Variants in CALD1 observed in about 807,000 individuals in gnomAD.
CALD1 encodes the protein caldesmon.
In CALD1, 33 loss-of-function variants were observed where a neutral mutation model predicts 99.9. The observed-to-expected ratio is 0.33, with a 90% CI of 0.25 to 0.44. The LOEUF (loss-of-function observed/expected upper bound fraction) is 0.44. CALD1 is among the 20% of genes least tolerant of loss of function. The pLI is 1.00. For missense variants in CALD1, 861 were observed against 962.1 expected, an observed-to-expected ratio of 0.89 and a Z score of 1.39; for synonymous variants, 310 against 325.0, an observed-to-expected ratio of 0.95 and a Z score of 0.50.
chr7:134,941,931 G>C (rs1048958597), intron 7 of CALD1, among the ~76,000 whole-genome samples: 1 of 152,064 alleles, frequency 6.6e-6, no homozygotes, highest in Non-Finnish European at 1.5e-5. Flanking sequence ...TCAGACAGAC[G>C]AGACCAGTAT....
Position 134,958,271 on chromosome 7 carries a change from A to G in CALD1, c.2042A>G (p.Gln681Arg). 6.2e-7 allele frequency: 1 copy of G among 1,613,930 alleles called. No individual in the cohort carries two copies. Among genetic ancestry groups the G allele is most frequent in the East Asian group, 2.2e-5 (1 of 44,872 alleles). Residue 681 changes from glutamine (Q) to arginine (R), a missense_variant, in exon 11 of 15, where the codon CAG becomes CGG. Gln to Arg is a conservative substitution (Grantham distance 43). This residue lies in a region of CALD1 where 190 missense variants were observed against 249.0 expected (regional missense o/e 0.76). Coordinates refer to ENST00000361675, the MANE Select transcript of CALD1 (RefSeq NM_033138.4). Reference protein sequence around the residue: ...IVSKIDSRLEQYTSAIEGTKS... With the variant: ...IVSKIDSRLERYTSAIEGTKS... ...TCCAAGATTGACAGCAGACTGGAGC[A>G]GTATACCAGTGCAATTGAGGTGAGA...
At chr7:134,897,268 C>A (rs1385302167) in intron 3 of CALD1, among the ~76,000 whole-genome samples, 1 of 151,852 alleles carries the variant, frequency 6.6e-6, no homozygotes, top group Non-Finnish European at 1.5e-5. Flanking sequence ...TCTGACCTCC[C>A]ACCCAGCTTA....
chr7:134,854,988 C>G (rs1800237978), intron 2 of CALD1, among the ~76,000 whole-genome samples: 1 of 152,224 alleles, frequency 6.6e-6, no homozygotes, highest in Non-Finnish European at 1.5e-5. Flanking sequence ...CTCCCCCACT[C>G]TTTCTTCCTC....
chr7:134,851,094 G>A (rs796276943), intron 2 of CALD1, among the ~76,000 whole-genome samples: 3 of 152,288 alleles, frequency 2.0e-5, no homozygotes, highest in African/African-American at 4.8e-5. Context: ...CTAGCAGTGT[G>A]AGAATAGACT....
intron 1 of CALD1, among the ~76,000 whole-genome samples, chr7:134,769,265 G>A (rs532204536): frequency 1.6e-4 from 25 of 152,094 alleles, no homozygotes; most frequent in African/African-American, 6.0e-4. Context: ...CGTCCCAAGA[G>A]GATATACCTA....
intron 7 of CALD1, among the ~76,000 whole-genome samples, chr7:134,943,922 G>T (rs1379957958): frequency 1.3e-5 from 2 of 152,216 alleles, no homozygotes; most frequent in African/African-American, 2.4e-5. Context: ...CTGGATGGAT[G>T]TATTAGGACT....
chr7:134,957,296 A>G (rs1350940645), intron 9 of CALD1, among the ~76,000 whole-genome samples: 3 of 152,224 alleles, frequency 2.0e-5, no homozygotes, highest in African/African-American at 7.2e-5. Flanking sequence ...TTACATACCA[A>G]ATACATAGTT....
chr7:134,730,858 A>G, the CALD1 span, among the ~76,000 whole-genome samples: 1 of 152,040 alleles, frequency 6.6e-6, no homozygotes, highest in Non-Finnish European at 1.5e-5. Context: ...GCTTTAGATT[A>G]TGTGGGCCCA....
chr7:134,794,807 T>C (rs981240478), intron 1 of CALD1, among the ~76,000 whole-genome samples: 4 of 152,206 alleles, frequency 2.6e-5, no homozygotes, highest in African/African-American at 9.6e-5. Context: ...AACAATAAAC[T>C]TTTAGGCAAC....
chr7:134,799,733 G>GA (rs1434777445), intron 1 of CALD1, among the ~76,000 whole-genome samples: 1 of 152,122 alleles, frequency 6.6e-6, no homozygotes, highest in Non-Finnish European at 1.5e-5. Flanking sequence ...TTCACAACGT[G>GA]AAAAAATGTA....
chr7:134,946,008 TTC>T (rs1298780462), intron 7 of CALD1, among the ~76,000 whole-genome samples: 1 of 152,168 alleles, frequency 6.6e-6, no homozygotes, highest in Non-Finnish European at 1.5e-5. Context: ...GCCTGAACCT[TTC>T]TGTCTTCCCT....
chr7:134,930,387 G>A (rs995224664), intron 4 of CALD1, among the ~76,000 whole-genome samples: 1 of 152,140 alleles, frequency 6.6e-6, no homozygotes, highest in African/African-American at 2.4e-5. Context: ...TTAAAACCAT[G>A]GACTGATTAT....
At chr7:134,921,061 C>A (rs749629077) in intron 3 of CALD1, among the ~76,000 whole-genome samples, 12 of 152,230 alleles carry the variant, frequency 7.9e-5, no homozygotes, top group Non-Finnish European at 1.5e-4. Flanking sequence ...GGTGACAATT[C>A]AAAGTCTATC....
the CALD1 span, among the ~76,000 whole-genome samples, chr7:134,714,919 C>A: frequency 1.3e-5 from 2 of 152,106 alleles, no homozygotes; most frequent in Admixed American, 6.5e-5. Flanking sequence ...TGGTTCTGGG[C>A]AGTTTCCTAT....
the CALD1 span, among the ~76,000 whole-genome samples, chr7:134,732,411 G>C: frequency 3.7e-4 from 57 of 152,250 alleles, no homozygotes; most frequent in African/African-American, 1.3e-3. Flanking sequence ...GGCTTTTGGG[G>C]GCGATTAAGC....
chr7:134,916,642 A>T (rs777806767), intron 3 of CALD1, among the ~76,000 whole-genome samples: 2 of 152,232 alleles, frequency 1.3e-5, no homozygotes, highest in African/African-American at 4.8e-5. Flanking sequence ...GCATGTCTGC[A>T]ATACCACTTT....
At chr7:134,925,125 T>A (rs1173712729) in intron 3 of CALD1, among the ~76,000 whole-genome samples, 2 of 152,092 alleles carry the variant, frequency 1.3e-5, no homozygotes, top group African/African-American at 4.8e-5. Context: ...GAAAATGGGC[T>A]CCCAATGGAG....
intron 2 of CALD1, among the ~76,000 whole-genome samples, chr7:134,853,323 G>A (rs1800157175): frequency 6.6e-6 from 1 of 152,152 alleles, no homozygotes; most frequent in Admixed American, 6.5e-5. Flanking sequence ...GGGAGCAAAT[G>A]TCTGGCATGT....
chr7:134,774,731 G>A (rs113968304), upstream of CALD1, among the ~76,000 whole-genome samples: 5 of 152,134 alleles, frequency 3.3e-5, no homozygotes, highest in African/African-American at 7.2e-5. Context: ...CTAATTCACA[G>A]GACCAGATTT....
Sources: allele counts gnomAD v4.1 joint callset (sites outside exome capture counted in the v4.1 genomes callset), GRCh38; gene constraint gnomAD v4.1.1; regional missense constraint gnomAD v4.1.1; transcripts MANE v1.5; gene names NCBI Gene and HGNC (gene_info 2026-07-23, HGNC 2026-07-21).